Variants in RPS3 observed in about 807,000 individuals in gnomAD.
RPS3 encodes the protein ribosomal protein S3, also known as small ribosomal subunit protein uS3.
Under a neutral mutation model 25.8 loss-of-function variants are expected in RPS3, and 2 were observed. That is an observed-to-expected ratio of 0.08 (90% CI 0.03 to 0.24). RPS3 has a LOEUF of 0.24. RPS3 is among the 10% of genes least tolerant of loss of function. RPS3 has a pLI of 1.00. For synonymous variants in RPS3, 114 were observed against 114.2 expected, an observed-to-expected ratio of 1.00 and a Z score of 0.01; for missense variants, 107 against 307.1, an observed-to-expected ratio of 0.35 and a Z score of 4.87.
In RPS3 at chr11:75,404,814, G is replaced by GGGT. The variant is rs1368996158; in HGVS notation, c.684_686dup (p.Gly229dup). 2 of 1,613,622 alleles carry GGGT rather than the reference G, an allele frequency of 1.2e-6. No individual in the cohort carries two copies. The highest frequency in any genetic ancestry group is 2.7e-5 in the African/African-American group (2 of 74,924). Reference sequence around the variant, plus strand: ...CCACCACCCCCATCTCAGAACAGAAGGGTGGGAAGCCAGAGCCGCCTGCCA... The same window carrying GGGT: ...CCACCACCCCCATCTCAGAACAGAAGGGTGGTGGGAAGCCAGAGCCGCCTGCCA... On this transcript the variant is annotated inframe_insertion, in exon 6 of 7. Transcript: ENST00000531188. The surrounding 1 kb of genome is among the most constrained non-coding windows in gnomAD (Gnocchi z 4.6).
At chr11:75,405,031 C>A (rs75859266) in intron 6 of RPS3, 163 bp downstream of exon 6, 156 of 517,392 alleles carry the variant, frequency 3.0e-4, no homozygotes, top group African/African-American at 2.7e-3. Context: ...TCTATTTAAC[C>A]CTTGGTTCCA....
chr11:75,407,259 C>T (rs7934329), downstream of RPS3, among the ~76,000 whole-genome samples: 2,651 of 152,280 alleles, frequency 0.017, 82 homozygotes, highest in African/African-American at 0.06. Context: ...CAGCCTCAGC[C>T]TCCCGCTAGC....
At chr11:75,419,783 G>A (rs1250812855) in intron 6 of RPS3, among the ~76,000 whole-genome samples, 1 of 151,886 alleles carries the variant, frequency 6.6e-6, no homozygotes, top group African/African-American at 2.4e-5. Flanking sequence ...ACAGGCATAC[G>A]CCACCATGCC....
chr11:75,409,015 C>T (rs1326142148), downstream of RPS3, among the ~76,000 whole-genome samples: 44 of 152,140 alleles, frequency 2.9e-4, no homozygotes, highest in Non-Finnish European at 1.5e-5. Context: ...GGGTCTGGCT[C>T]TATTGCCCAG....
intron 2 of RPS3, 114 bp downstream of exon 2, chr11:75,400,938 A>G: frequency 4.4e-6 from 6 of 1,358,100 alleles, no homozygotes; most frequent in Non-Finnish European, 5.8e-6. Context: ...GCTGGAGTGC[A>G]GTGGCGCGAT....
chr11:75,417,978 C>G (rs1948412743), intron 6 of RPS3, among the ~76,000 whole-genome samples: 1 of 152,262 alleles, frequency 6.6e-6, no homozygotes, highest in South Asian at 2.1e-4. Context: ...GGATCAAGAT[C>G]TAGAGGCCAG....
downstream of RPS3, among the ~76,000 whole-genome samples, chr11:75,408,863 T>C (rs992581113): frequency 6.6e-6 from 1 of 152,170 alleles, no homozygotes; most frequent in Non-Finnish European, 1.5e-5. Context: ...TACAGAAAAC[T>C]ATGTAAGACA....
downstream of RPS3, among the ~76,000 whole-genome samples, chr11:75,409,606 C>T (rs1232737074): frequency 6.9e-6 from 1 of 145,538 alleles, no homozygotes; most frequent in African/African-American, 2.5e-5. Flanking sequence ...GACCCGGCAA[C>T]CATCCGATTT....
intron 6 of RPS3, among the ~76,000 whole-genome samples, chr11:75,417,489 C>T (rs558285890): frequency 4.6e-5 from 7 of 152,232 alleles, no homozygotes; most frequent in East Asian, 1.9e-4. Context: ...CCCAGCTACT[C>T]GGGAGGCTGA....
chr11:75,406,813 A>G lies in RPS3; in HGVS notation c.*1203A>G, dbSNP rs1049144594. 5.9e-5 allele frequency: 9 copies of G among 152,210 alleles called. No homozygotes were observed. The highest frequency in any genetic ancestry group is 1.3e-4 in the Admixed American group (2 of 15,272). 9.4% of individuals were successfully genotyped at this position (152,210 alleles called of 1,614,324 possible). A position where few individuals can be genotyped will look rare whatever the true frequency, so the allele number is the denominator to read the frequency against. On this transcript the variant is annotated 3_prime_UTR_variant, in exon 7 of 7. Coordinates refer to ENST00000531188, the MANE Select transcript of RPS3 (RefSeq NM_001005.5). Reference sequence around the variant, plus strand: ...TTATTTTTCTTATTTTCAAAATACTATATTTTCTTGTCACTTATTTTCTTG... The same window carrying G: ...TTATTTTTCTTATTTTCAAAATACTGTATTTTCTTGTCACTTATTTTCTTG...
chr11:75,402,374 C>G lies in RPS3; in HGVS notation c.278C>G (p.Thr93Ser). The stretch of plus-strand genomic sequence containing the variant: ...AAGCTTTATGCTGAAAAGGTGGCCA[C>G]TAGAGGTCTGTGTGCCATTGCCCAG... ...SVELYAEKVA[T>S]RGLCAIAQAE... Residue 93 changes from threonine (T) to serine (S), a missense_variant, in exon 4 of 7, where the codon ACT becomes AGT. Coordinates refer to ENST00000531188, the MANE Select transcript of RPS3 (RefSeq NM_001005.5). 6.2e-7 allele frequency: 1 copy of G among 1,613,946 alleles called. No homozygotes were observed. The highest frequency in any genetic ancestry group is 8.5e-7 in the Non-Finnish European group (1 of 1,179,782).
chr11:75,416,221 A>G (rs904578446), intron 6 of RPS3, among the ~76,000 whole-genome samples: 6 of 152,186 alleles, frequency 3.9e-5, no homozygotes, highest in Non-Finnish European at 7.3e-5. Flanking sequence ...CAAGTGCCCA[A>G]TTAGTGCTAG....
chr11:75,421,563 GC>G (rs912440717), intron 6 of RPS3, among the ~76,000 whole-genome samples: 3 of 152,350 alleles, frequency 2.0e-5, no homozygotes, highest in East Asian at 3.9e-4. Context: ...AGGGGCTTGT[GC>G]CCCCATTGAC....
chr11:75,417,355 T>A lies in RPS3; in HGVS notation c.*4-4372T>A, dbSNP rs561325602. On this transcript the variant is annotated intron_variant, in intron 6 of 6. Transcript: ENST00000527446. ...GCTCATGCCTGTAATCCAAGCACTT[T>A]GGGAGGCCGAGCCAGGGGAATCAAA... Among the ~76,000 whole-genome samples the A allele has an allele frequency of 1.4e-4, 22 of 152,138 alleles. No homozygotes were observed. In the South Asian group the frequency reaches 3.5e-3, roughly 24 times the overall value.
intron 1 of RPS3, chr11:75,399,904 T>C (rs939835393): frequency 1.1e-5 from 5 of 461,744 alleles, no homozygotes; most frequent in East Asian, 8.2e-5. Context: ...TCATGTCTTA[T>C]CCCGTGGTTT....
intron 6 of RPS3, among the ~76,000 whole-genome samples, chr11:75,420,101 T>C (rs1174897411): frequency 6.6e-6 from 1 of 152,232 alleles, no homozygotes; most frequent in Non-Finnish European, 1.5e-5. Flanking sequence ...GCCGCACACC[T>C]GAGGGCTCAG....
At chr11:75,401,565 A>G in intron 2 of RPS3, 75 bp from the exon 3 acceptor site, 1 of 1,013,438 alleles carries the variant, frequency 9.9e-7, no homozygotes, top group Non-Finnish European at 1.5e-6. Flanking sequence ...AGATTTTGCT[A>G]CCACACATAT....
intron 3 of RPS3, 147 bp from the exon 4 acceptor site, chr11:75,402,205 A>G (rs917825066): frequency 2.5e-6 from 3 of 1,197,730 alleles, no homozygotes; most frequent in Admixed American, 2.1e-5. Flanking sequence ...TTGGGCCACA[A>G]TCAAAGCCAT....
chr11:75,413,230 T>C (rs1426699818), intron 6 of RPS3, among the ~76,000 whole-genome samples: 1 of 123,204 alleles, frequency 8.1e-6, no homozygotes, highest in Non-Finnish European at 1.8e-5. Context: ...TATATGTGTG[T>C]GTGTGTATAT....
Sources: gnomAD v4.1 joint callset for allele counts (sites outside exome capture counted in the v4.1 genomes callset) on GRCh38, gnomAD v4.1.1 for gene constraint, Gnocchi (gnomAD v3.1) non-coding constraint, MANE v1.5 for transcripts, NCBI Gene and HGNC (gene_info 2026-07-23, HGNC 2026-07-21) for gene names.